TMEM178B: variants seen among roughly 807,000 people sequenced by gnomAD.
The protein encoded by TMEM178B is transmembrane protein 178B.
In TMEM178B, 5 loss-of-function variants were observed where a neutral mutation model predicts 31.0. The ratio of observed to expected loss-of-function variants is 0.16; its 90% CI spans 0.08 to 0.34. The LOEUF is 0.34. Ranked by LOEUF, TMEM178B falls within the 10% of genes least tolerant of loss-of-function variation. TMEM178B has a pLI of 1.00. For missense variants in TMEM178B, 275 were observed against 400.3 expected (o/e 0.69, Z 2.67); for synonymous variants, 164 against 164.0 (o/e 1.00, Z 0.00).
chr7:141,313,097 G>A (rs1314686799), intron 2 of TMEM178B, among the ~76,000 whole-genome samples: 1 of 152,156 alleles, frequency 6.6e-6, no homozygotes, highest in African/African-American at 2.4e-5. Flanking sequence ...ACAAAGGTTG[G>A]AAGGTGAGAA....
At chr7:141,506,775 C>T in the TMEM178B span, among the ~76,000 whole-genome samples, 1 of 152,184 alleles carries the variant, frequency 6.6e-6, no homozygotes, top group Non-Finnish European at 1.5e-5. Flanking sequence ...AGTCCAAAGT[C>T]TCATCTGAGA....
rs181299370 is a variant in TMEM178B, at chr7:141,154,539, A to G, written c.383-58052A>G. Among the ~76,000 whole-genome samples the G allele has an allele frequency of 3.3e-5, 5 of 152,288 alleles. No individual in the cohort carries two copies. In the East Asian group the frequency reaches 9.7e-4, roughly 29 times the overall value. On this transcript the variant is annotated intron_variant, in intron 1 of 3. Transcript: ENST00000565468. ...ATCACACAGTAGTGTCCTTTGTCAGAATCTTGCTTTTCTGGGTCAGGGCAG... is the reference window on the plus strand; with the variant it reads ...ATCACACAGTAGTGTCCTTTGTCAGGATCTTGCTTTTCTGGGTCAGGGCAG...
intron 2 of TMEM178B, among the ~76,000 whole-genome samples, chr7:141,349,103 T>C (rs10229879): frequency 0.37 from 56,959 of 152,108 alleles, 11,131 homozygotes; most frequent in African/African-American, 0.48. Context: ...AGTAGCTAAT[T>C]GATATTGTTA....
At chr7:141,200,601 T>C (rs1268708554) in intron 1 of TMEM178B, among the ~76,000 whole-genome samples, 2 of 152,092 alleles carry the variant, frequency 1.3e-5, no homozygotes, top group East Asian at 1.9e-4. Context: ...AAACAGATGG[T>C]GGGTGAGCAC....
chr7:141,116,109 C>T (rs1415635926), intron 1 of TMEM178B, among the ~76,000 whole-genome samples: 1 of 152,196 alleles, frequency 6.6e-6, no homozygotes, highest in African/African-American at 2.4e-5. Flanking sequence ...TGACTTCATT[C>T]TCTTTGAATT....
chr7:141,288,617 C>T (rs1318094038), intron 2 of TMEM178B, among the ~76,000 whole-genome samples: 1 of 152,156 alleles, frequency 6.6e-6, no homozygotes. Flanking sequence ...GACAGTCCCG[C>T]TGCCCTATCA....
intron 1 of TMEM178B, among the ~76,000 whole-genome samples, chr7:141,163,207 C>T (rs1362032155): frequency 6.6e-6 from 1 of 152,152 alleles, no homozygotes. Context: ...TGTACTTATC[C>T]CCCTACCAGA....
intron 2 of TMEM178B, among the ~76,000 whole-genome samples, chr7:141,214,167 T>G (rs1035138975): frequency 1.3e-5 from 2 of 152,242 alleles, no homozygotes; most frequent in African/African-American, 4.8e-5. Flanking sequence ...TGGTCTAATA[T>G]AGTCCCTTCT....
intron 1 of TMEM178B, among the ~76,000 whole-genome samples, chr7:141,190,506 T>C (rs1796680006): frequency 6.6e-6 from 1 of 151,602 alleles, no homozygotes; most frequent in Non-Finnish European, 1.5e-5. Context: ...AGATGAAGGC[T>C]CTCTATGTTG....
intron 2 of TMEM178B, among the ~76,000 whole-genome samples, chr7:141,216,056 C>T (rs1000555722): frequency 2.6e-5 from 4 of 151,762 alleles, no homozygotes; most frequent in South Asian, 2.1e-4. Context: ...GTCTTGAACT[C>T]CTGGCCTCAA....
intron 2 of TMEM178B, among the ~76,000 whole-genome samples, chr7:141,396,020 A>G (rs1280133090): frequency 2.0e-5 from 3 of 152,162 alleles, no homozygotes; most frequent in African/African-American, 7.2e-5. Flanking sequence ...TAGTCATTCA[A>G]GGAGATACGG....
At chr7:141,378,293 C>G (rs1393582508) in intron 2 of TMEM178B, among the ~76,000 whole-genome samples, 1 of 152,148 alleles carries the variant, frequency 6.6e-6, no homozygotes, top group African/African-American at 2.4e-5. Flanking sequence ...CCTTGATCAC[C>G]TGGTTAAGGT....
At chr7:141,496,383 C>T in the TMEM178B span, among the ~76,000 whole-genome samples, 6 of 152,236 alleles carry the variant, frequency 3.9e-5, no homozygotes, top group South Asian at 1.2e-3. Flanking sequence ...CTTTCCTTTG[C>T]TTTCTTCAGG....
At chr7:141,341,912 G>A (rs1225140231) in intron 2 of TMEM178B, among the ~76,000 whole-genome samples, 2 of 152,090 alleles carry the variant, frequency 1.3e-5, no homozygotes, top group Non-Finnish European at 2.9e-5. Context: ...CTTCTCCAAT[G>A]TCTTCTAGTA....
intron 2 of TMEM178B, among the ~76,000 whole-genome samples, chr7:141,329,310 G>A (rs1219854482): frequency 1.3e-5 from 2 of 152,016 alleles, no homozygotes; most frequent in East Asian, 2.0e-4. Flanking sequence ...TCTGGGCAGC[G>A]TCCTGGGCAC....
intron 2 of TMEM178B, among the ~76,000 whole-genome samples, chr7:141,247,062 T>A (rs932575106): frequency 6.6e-6 from 1 of 152,120 alleles, no homozygotes; most frequent in Non-Finnish European, 1.5e-5. Context: ...TCTAGAACAA[T>A]CCTGACAGAA....
At chr7:141,242,628 G>C (rs958525208) in intron 2 of TMEM178B, among the ~76,000 whole-genome samples, 7 of 148,428 alleles carry the variant, frequency 4.7e-5, no homozygotes, top group Non-Finnish European at 3.0e-5. Context: ...TGCAGCCTCT[G>C]CCTCCCAGGT....
chr7:141,481,188 C>T (rs1802468502), downstream of TMEM178B, among the ~76,000 whole-genome samples: 1 of 152,222 alleles, frequency 6.6e-6, no homozygotes, highest in Non-Finnish European at 1.5e-5. Context: ...GATGAATCCC[C>T]AGGGCCCTTC....
chr7:141,335,911 C>T (rs971033386), intron 2 of TMEM178B, among the ~76,000 whole-genome samples: 7 of 152,096 alleles, frequency 4.6e-5, no homozygotes, highest in Admixed American at 4.6e-4. Flanking sequence ...AAGCCGGGCT[C>T]TATGCGTGAA....
Sources: allele counts gnomAD v4.1 joint callset (sites outside exome capture counted in the v4.1 genomes callset), GRCh38; gene constraint gnomAD v4.1.1; transcripts MANE v1.5; gene names NCBI Gene and HGNC (gene_info 2026-07-23, HGNC 2026-07-21).